Variants in BORCS7 observed in about 807,000 individuals in gnomAD.
The protein encoded by BORCS7 is BLOC-1 related complex subunit 7, also known as BLOC-1-related complex subunit 7.
BORCS7 carries 20 observed loss-of-function variants against 17.5 expected under a neutral mutation model. The observed-to-expected ratio is 1.14, with a 90% CI of 0.80 to 1.66. The LOEUF is 1.66. Among genes scored for constraint, BORCS7 ranks in the 40% most tolerant of loss-of-function variants. The probability of loss-of-function intolerance (pLI) is 0.00; values close to 1 mark genes in which losing one functional copy is unlikely to be tolerated. For missense variants in BORCS7, 122 were observed against 129.7 expected (o/e 0.94, Z 0.29); for synonymous variants, 57 against 49.8 (o/e 1.14, Z -0.61).
intron 1 of BORCS7, 113 bp from the exon 2 acceptor site, chr10:102,860,219 G>A: frequency 1.2e-6 from 1 of 815,262 alleles, no homozygotes; most frequent in Non-Finnish European, 2.0e-6. Context: ...GTTTGTGGTT[G>A]TATAGGGTGG....
At chr10:102,858,192 G>T (rs2550673) in intron 1 of BORCS7, among the ~76,000 whole-genome samples, 77,303 of 120,400 alleles carry the variant, frequency 0.64, 22,983 homozygotes, top group Non-Finnish European at 0.67. Flanking sequence ...TATATATATA[G>T]AGAGAGAGAG....
chr10:102,856,425 A>G (rs1180130240), intron 1 of BORCS7, among the ~76,000 whole-genome samples: 1 of 152,112 alleles, frequency 6.6e-6, no homozygotes, highest in Non-Finnish European at 1.5e-5. Context: ...ACAATTTTTT[A>G]AATGTGTGTA....
intron 1 of BORCS7, 87 bp from the exon 2 acceptor site, chr10:102,860,245 G>C (rs544397534): frequency 9.2e-7 from 1 of 1,091,882 alleles, no homozygotes; most frequent in South Asian, 1.3e-5. Flanking sequence ...TGGGAGAGGA[G>C]AGAGGGTAGT....
intron 3 of BORCS7, among the ~76,000 whole-genome samples, chr10:102,861,471 C>T (rs1844519715): frequency 1.3e-5 from 2 of 150,880 alleles, no homozygotes; most frequent in Non-Finnish European, 2.9e-5. Context: ...AATTCCAGCA[C>T]TTTGGGAGGC....
chr10:102,861,286 G>C (rs1262799818), intron 3 of BORCS7, among the ~76,000 whole-genome samples: 2 of 151,150 alleles, frequency 1.3e-5, no homozygotes, highest in African/African-American at 2.4e-5. Flanking sequence ...TGTGGTGGTG[G>C]GTGCCTGTAA....
rs529178159 is a variant in BORCS7, at chr10:102,863,634, G to T, written c.*710G>T. ...GCTTCTATTATGAACACATGAGAAT[G>T]ATTTTTTTCTCTTAATCATTATTAA... On this transcript the variant is annotated 3_prime_UTR_variant, in exon 5 of 5. Transcript: ENST00000339834. The T allele has an allele frequency of 3.9e-5, 6 of 152,174 alleles. No homozygotes were observed. In the East Asian group the frequency reaches 1.2e-3, roughly 29 times the overall value. The allele number at this position is 152,174 out of a possible 1,614,324, so 9.4% of individuals were successfully genotyped here.
intron 1 of BORCS7, among the ~76,000 whole-genome samples, chr10:102,856,066 A>G (rs985111542): frequency 1.3e-5 from 2 of 152,138 alleles, no homozygotes; most frequent in Non-Finnish European, 2.9e-5. Context: ...CCCGGTCGAA[A>G]GGGTTAATCT....
rs1844544153 is a variant in BORCS7 at position 102,862,992 on chromosome 10, T to G, written c.*68T>G. On this transcript the variant is annotated 3_prime_UTR_variant, in exon 5 of 5. Transcript: ENST00000339834. ...GAGGAGTAAATACCTTACACAGCTG[T>G]CCTCTGGGTTTGGTTTTCTATTTTC... The G allele has an allele frequency of 2.0e-5, 26 of 1,328,756 alleles. No individual in the cohort carries two copies. The highest frequency in any genetic ancestry group is 2.6e-5 in the Non-Finnish European group (24 of 924,536). 82.3% of individuals were successfully genotyped at this position (1,328,756 alleles called of 1,614,324 possible).
At chr10:102,857,272 C>T (rs1337136360) in intron 1 of BORCS7, among the ~76,000 whole-genome samples, 1 of 152,152 alleles carries the variant, frequency 6.6e-6, no homozygotes, top group African/African-American at 2.4e-5. Context: ...GATTCTGAGC[C>T]CCGTTATCAC....
intron 1 of BORCS7, among the ~76,000 whole-genome samples, chr10:102,859,619 A>ACAGTGGT (rs1033714692): frequency 1.5e-4 from 22 of 144,380 alleles, no homozygotes; most frequent in Admixed American, 1.4e-3. Context: ...AGGCTGGAGT[A>ACAGTGGT]CAGTGGTGAG....
intron 1 of BORCS7, among the ~76,000 whole-genome samples, chr10:102,858,155 A>C (rs1052826318): frequency 7.0e-6 from 1 of 142,296 alleles, no homozygotes; most frequent in Non-Finnish European, 1.5e-5. Context: ...ACAGAGTGAG[A>C]CCATGTCTCA....
intron 1 of BORCS7, among the ~76,000 whole-genome samples, chr10:102,858,086 G>A (rs1298957861): frequency 7.3e-5 from 11 of 151,488 alleles, no homozygotes; most frequent in Admixed American, 6.6e-4. Context: ...GATCACCTGA[G>A]TCCGGGAGGT....
rs150411576 is a variant in BORCS7, at chr10:102,859,651, C to G, written c.142-681C>G. On this transcript the variant is annotated intron_variant, in intron 1 of 4. Coordinates refer to ENST00000339834, the MANE Select transcript of BORCS7 (RefSeq NM_001136200.2). Reference sequence around the variant, plus strand: ...TGAGATCTTGGCTCACTGCAACTTTCGCCTCCTGGGTTCAAGCAATTCTCC... The same window carrying G: ...TGAGATCTTGGCTCACTGCAACTTTGGCCTCCTGGGTTCAAGCAATTCTCC... Among the ~76,000 whole-genome samples, 3 of 149,598 alleles carry G rather than the reference C, an allele frequency of 2.0e-5. No homozygotes were observed. In the Admixed American group the frequency reaches 2.0e-4, roughly 10 times the overall value.
intron 1 of BORCS7, among the ~76,000 whole-genome samples, chr10:102,860,108 T>G (rs923898184): frequency 5.9e-5 from 9 of 152,202 alleles, no homozygotes; most frequent in African/African-American, 1.9e-4. Flanking sequence ...GGCAGTGGCC[T>G]TTGAAACAGA....
At position 102,855,692 on chromosome 10, in the gene BORCS7, G is replaced by A. The variant is rs527715143; in HGVS notation, c.141+1265G>A. 4.5e-4 allele frequency among the ~76,000 whole-genome samples: 69 copies of A among 152,320 alleles called. No individual in the cohort carries two copies. In the South Asian group the frequency reaches 9.9e-3, roughly 22 times the overall value. ...GTGAAACAGAAAAAAATCAGGTGGT[G>A]GTAAATCCTGTGAAGCAAAATTAAT... is the stretch of plus-strand genomic sequence containing the variant. On this transcript the variant is annotated intron_variant, in intron 1 of 4. Transcript: ENST00000339834.
At position 102,863,424 on chromosome 10, in the gene BORCS7, A is replaced by G. The variant is rs1844552091; in HGVS notation, c.*500A>G. ...AGCGAGGTGGTTGAATTTTGGAAGC[A>G]CTTCTTGAATCGGATTAACCCATGC... On this transcript the variant is annotated 3_prime_UTR_variant, in exon 5 of 5. Coordinates refer to ENST00000339834, the MANE Select transcript of BORCS7 (RefSeq NM_001136200.2). 1 of 152,710 alleles carries G rather than the reference A, an allele frequency of 6.5e-6. No homozygotes were observed. The highest frequency in any genetic ancestry group is 1.5e-5 in the Non-Finnish European group (1 of 68,522). The allele number at this position is 152,710 out of a possible 1,614,324, so 9.5% of individuals were successfully genotyped here.
chr10:102,859,548 T>A (rs575549285), intron 1 of BORCS7, among the ~76,000 whole-genome samples: 17 of 151,216 alleles, frequency 1.1e-4, no homozygotes, highest in African/African-American at 4.1e-4. Flanking sequence ...CCCCACTGTT[T>A]CTCTTATTCC....
intron 1 of BORCS7, among the ~76,000 whole-genome samples, chr10:102,855,178 G>A (rs1319072979): frequency 7.7e-5 from 4 of 51,748 alleles, no homozygotes; most frequent in Non-Finnish European, 1.1e-4. Context: ...TTTTTTTTTT[G>A]AGACGGAGTC....
At chr10:102,861,860 G>C (rs933138555) in intron 3 of BORCS7, among the ~76,000 whole-genome samples, 5 of 152,116 alleles carry the variant, frequency 3.3e-5, no homozygotes, top group Admixed American at 6.5e-5. Flanking sequence ...TTAGGTATTA[G>C]GTATGTGACC....
Sources: gnomAD v4.1 joint callset for allele counts (sites outside exome capture counted in the v4.1 genomes callset) on GRCh38, gnomAD v4.1.1 for gene constraint, MANE v1.5 for transcripts, NCBI Gene and HGNC (gene_info 2026-07-23, HGNC 2026-07-21) for gene names.